The following ZNF609 variants were observed in gnomAD, a reference collection of about 807,000 sequenced individuals.
The protein encoded by ZNF609 is zinc finger protein 609.
ZNF609 carries 11 observed loss-of-function variants against 109.5 expected under a neutral mutation model. The ratio of observed to expected loss-of-function variants is 0.10; its 90% CI spans 0.06 to 0.17. The LOEUF is 0.17. Among genes scored for constraint, ZNF609 ranks in the 10% least tolerant of loss-of-function variants. ZNF609 has a pLI of 1.00. For missense variants in ZNF609, 1,559 were observed against 1,772.4 expected (o/e 0.88, Z 2.16); for synonymous variants, 646 against 662.0 (o/e 0.98, Z 0.37).
chr15:64,601,803 G>A (rs557290906), intron 2 of ZNF609, among the ~76,000 whole-genome samples: 34 of 152,250 alleles, frequency 2.2e-4, no homozygotes, highest in Non-Finnish European at 3.5e-4. Context: ...TCCTAGAACA[G>A]GATATAAACA....
chr15:64,532,198 G>A (rs528900878), intron 2 of ZNF609, among the ~76,000 whole-genome samples: 1 of 152,068 alleles, frequency 6.6e-6, no homozygotes, highest in Non-Finnish European at 1.5e-5. Flanking sequence ...TCTCTCTCAA[G>A]TCTTCACTCA....
At chr15:64,491,931 G>A (rs759931840) in intron 1 of ZNF609, among the ~76,000 whole-genome samples, 1 of 151,960 alleles carries the variant, frequency 6.6e-6, no homozygotes, top group Non-Finnish European at 1.5e-5. Flanking sequence ...TGTCAGTCAC[G>A]ACAGTATATG....
intron 2 of ZNF609, among the ~76,000 whole-genome samples, chr15:64,560,383 C>A (rs74245441): frequency 6.6e-6 from 1 of 151,510 alleles, no homozygotes; most frequent in Non-Finnish European, 1.5e-5. Flanking sequence ...TTTTTCCCCC[C>A]GCAGAAGATC....
In ZNF609 at chr15:64,680,270, C is replaced by G; in HGVS notation, c.3855C>G (p.Ser1285Arg). The G allele has an allele frequency of 6.2e-7, 1 of 1,614,226 alleles. No homozygotes were observed. The highest frequency in any genetic ancestry group is 8.5e-7 in the Non-Finnish European group (1 of 1,180,044). ...AAGATGCTGACAAGGCACGAGCCAG[C>G]CCCAGTGTGACTTGTAAATCCAGCT... ...GGEDADKARA[S>R]PSVTCKSSSE... is the part of the protein sequence containing the mutation. The change falls in exon 7 of 10, where the codon AGC becomes AGG. Residue 1285 changes from serine to arginine, a missense_variant. Physicochemically the swap from Ser to Arg is moderately radical, Grantham distance 110 (BLOSUM62 -1). This residue lies in a region of ZNF609 where 1,204 missense variants were observed against 1,314.1 expected (regional missense o/e 0.92). Transcript: ENST00000326648.
chr15:64,603,565 G>C (rs1172735919), intron 2 of ZNF609, among the ~76,000 whole-genome samples: 4 of 151,560 alleles, frequency 2.6e-5, no homozygotes, highest in Non-Finnish European at 4.4e-5. Flanking sequence ...CACTGCACCT[G>C]GCCCACAGTG....
chr15:64,645,297 C>A (rs77236125), intron 3 of ZNF609, among the ~76,000 whole-genome samples: 1 of 151,828 alleles, frequency 6.6e-6, no homozygotes, highest in African/African-American at 2.4e-5. Flanking sequence ...CACCATGTTA[C>A]TTAGGCTGGT....
chr15:64,656,741 C>T (rs1370611862), intron 3 of ZNF609, among the ~76,000 whole-genome samples: 2 of 149,792 alleles, frequency 1.3e-5, no homozygotes, highest in African/African-American at 2.5e-5. Flanking sequence ...TTTTTTCCTC[C>T]GTCCCTCCTC....
intron 3 of ZNF609, among the ~76,000 whole-genome samples, chr15:64,626,901 C>T (rs945764919): frequency 2.0e-5 from 3 of 152,150 alleles, no homozygotes; most frequent in Non-Finnish European, 4.4e-5. Flanking sequence ...ACATTCTCAG[C>T]ACTATGTAAG....
chr15:64,621,867 A>C (rs924069102), intron 2 of ZNF609, among the ~76,000 whole-genome samples: 1 of 150,798 alleles, frequency 6.6e-6, no homozygotes, highest in African/African-American at 2.4e-5. Context: ...CTGGGATTAC[A>C]GGCGCCCACC....
At chr15:64,623,184 C>A in intron 3 of ZNF609, 132 bp downstream of exon 3, 1 of 898,922 alleles carries the variant, frequency 1.1e-6, no homozygotes, top group Non-Finnish European at 1.7e-6. Flanking sequence ...GGGAGATACC[C>A]ACACAGAGGA....
At chr15:64,528,430 T>A (rs1333321392) in intron 2 of ZNF609, among the ~76,000 whole-genome samples, 1 of 151,666 alleles carries the variant, frequency 6.6e-6, no homozygotes, top group Non-Finnish European at 1.5e-5. Flanking sequence ...TGGGTTTTTT[T>A]ATTGTTTAAT....
rs112922356 is a variant in ZNF609 at position 64,579,787 on chromosome 15, G to A, written c.748-43040G>A. Among the ~76,000 whole-genome samples, 1,406 of 152,052 alleles carry A rather than the reference G, an allele frequency of 9.2e-3. 22 individuals carry two copies. The highest frequency in any genetic ancestry group is 0.032 in the African/African-American group (1,330 of 41,484). Reference sequence around the variant, plus strand: ...GTGCTATTATTGTCATACAAATGACGTATACCCATCAACACATATTATAAA... The same window carrying A: ...GTGCTATTATTGTCATACAAATGACATATACCCATCAACACATATTATAAA... On this transcript the variant is annotated intron_variant, in intron 2 of 9. Transcript: ENST00000326648.
At chr15:64,566,097 G>A (rs920084090) in intron 2 of ZNF609, among the ~76,000 whole-genome samples, 1 of 152,128 alleles carries the variant, frequency 6.6e-6, no homozygotes, top group African/African-American at 2.4e-5. Context: ...CAGTTCTCCC[G>A]CCTCAACCTC....
chr15:64,546,973 G>A (rs1894375173), intron 2 of ZNF609, among the ~76,000 whole-genome samples: 1 of 151,096 alleles, frequency 6.6e-6, no homozygotes, highest in Non-Finnish European at 1.5e-5. Context: ...TGTATTTTTA[G>A]TAGAGATGGG....
chr15:64,610,091 C>T (rs113948264), intron 2 of ZNF609, among the ~76,000 whole-genome samples: 5,016 of 152,190 alleles, frequency 0.033, 277 homozygotes, highest in African/African-American at 0.11. Context: ...AATCCTAGCA[C>T]TTTGGGAGGC....
chr15:64,542,998 G>C (rs866929050), intron 2 of ZNF609, among the ~76,000 whole-genome samples: 2 of 152,038 alleles, frequency 1.3e-5, no homozygotes, highest in African/African-American at 4.8e-5. Context: ...GTCAGCGGGT[G>C]GGGGGCAAGG....
rs1896786504 is a variant in ZNF609, at chr15:64,674,935, C to T, written c.2081C>T (p.Ala694Val). The T allele has an allele frequency of 3.1e-6, 5 of 1,614,086 alleles. 1 individual carries two copies. The highest frequency in any genetic ancestry group is 3.3e-5 in the Admixed American group (2 of 60,016). The change falls in exon 5 of 10, where the codon GCC becomes GTC. Residue 694 changes from alanine to valine, a missense_variant. This residue lies in a region of ZNF609 where 1,204 missense variants were observed against 1,314.1 expected (regional missense o/e 0.92). Transcript: ENST00000326648. The part of the protein sequence containing the change: ...SSGLTATVAQ[A>V]MPNSPQLKPI... Reference sequence around the variant, plus strand: ...GGCTTGACCGCCACAGTGGCACAAGCCATGCCCAACAGTCCCCAACTCAAG... The same window carrying T: ...GGCTTGACCGCCACAGTGGCACAAGTCATGCCCAACAGTCCCCAACTCAAG...
chr15:64,580,520 A>G (rs562160912), intron 2 of ZNF609, among the ~76,000 whole-genome samples: 1 of 150,862 alleles, frequency 6.6e-6, no homozygotes, highest in South Asian at 2.1e-4. Context: ...TCTACTAGCA[A>G]TGAACTCTCT....
At chr15:64,645,931 T>C (rs1433796635) in intron 3 of ZNF609, among the ~76,000 whole-genome samples, 2 of 152,128 alleles carry the variant, frequency 1.3e-5, no homozygotes, top group Admixed American at 6.5e-5. Flanking sequence ...GAACTGTTGG[T>C]TGGAACATAA....
Sources: allele counts gnomAD v4.1 joint callset (sites outside exome capture counted in the v4.1 genomes callset), GRCh38; gene constraint gnomAD v4.1.1; regional missense constraint gnomAD v4.1.1; transcripts MANE v1.5; gene names NCBI Gene and HGNC (gene_info 2026-07-23, HGNC 2026-07-21).